The following DOCK8 variants were observed in gnomAD, a reference collection of about 807,000 sequenced individuals.
DOCK8 encodes dedicator of cytokinesis 8.
In DOCK8, 141 loss-of-function variants were observed where a neutral mutation model predicts 245.6. The ratio of observed to expected loss-of-function variants is 0.57; its 90% CI spans 0.50 to 0.66. The LOEUF (loss-of-function observed/expected upper bound fraction) is 0.66. Among genes scored for constraint, DOCK8 ranks in the 30% least tolerant of loss-of-function variants. The probability of loss-of-function intolerance (pLI) is 0.00; values close to 1 mark genes in which losing one functional copy is unlikely to be tolerated. For synonymous variants in DOCK8, 1,168 were observed against 970.2 expected, an observed-to-expected ratio of 1.20 and a Z score of -3.79; for missense variants, 2,965 against 2,603.4, an observed-to-expected ratio of 1.14 and a Z score of -3.02.
Position 388,754 on chromosome 9 carries a change from C to T in DOCK8, c.2875-1717C>T, listed in dbSNP as rs181103779. Among the ~76,000 whole-genome samples the T allele has an allele frequency of 2.0e-5, 3 of 151,734 alleles. No individual in the cohort carries two copies. The East Asian group carries it at 5.8e-4, about 29-fold the overall frequency. On this transcript the variant is annotated intron_variant, in intron 23 of 47. Coordinates refer to ENST00000432829, the MANE Select transcript of DOCK8 (RefSeq NM_203447.4). ...ATTTTTAGTATAGATGGGGTTTCAC[C>T]ATGTTGACCAGGCTCGTCTCAAACT... is the stretch of plus-strand genomic sequence containing the variant.
At position 364,191 on chromosome 9, in the gene DOCK8, A is replaced by G. The variant is rs570563029; in HGVS notation, c.1680-3827A>G. Among the ~76,000 whole-genome samples the G allele has an allele frequency of 5.9e-5, 9 of 152,336 alleles. No homozygotes were observed. In the South Asian group the frequency reaches 1.9e-3, roughly 32 times the overall value. On this transcript the variant is annotated intron_variant, in intron 14 of 47. Coordinates refer to ENST00000432829, the MANE Select transcript of DOCK8 (RefSeq NM_203447.4). ...ACGCTTATTTTTAGAGGAGACCAGT[A>G]TATATTATGGCATATTCAGAATATG...
At chr9:401,895 C>T (rs1169513647) in intron 26 of DOCK8, among the ~76,000 whole-genome samples, 1 of 152,180 alleles carries the variant, frequency 6.6e-6, no homozygotes, top group Non-Finnish European at 1.5e-5. Context: ...CATCAGAAGT[C>T]CCCAAGCATC....
At chr9:433,782 T>G (rs1033479181) in intron 37 of DOCK8, 93 bp from the exon 38 acceptor site, 1 of 1,062,278 alleles carries the variant, frequency 9.4e-7, no homozygotes. Context: ...GATCCAACCC[T>G]TCCCATGGCT....
At chr9:426,471 C>T (rs181243870) in intron 33 of DOCK8, among the ~76,000 whole-genome samples, 2 of 152,344 alleles carry the variant, frequency 1.3e-5, no homozygotes, top group Admixed American at 1.3e-4. Context: ...TCCAGTCTCA[C>T]TCTCTCTCGC....
chr9:233,373 G>T (rs1297201544), intron 1 of DOCK8, among the ~76,000 whole-genome samples: 1 of 152,212 alleles, frequency 6.6e-6, no homozygotes, highest in Non-Finnish European at 1.5e-5. Flanking sequence ...TGTATATTCT[G>T]TTGATTTGGG....
At chr9:245,114 C>T (rs779927844) in intron 1 of DOCK8, among the ~76,000 whole-genome samples, 2 of 152,188 alleles carry the variant, frequency 1.3e-5, no homozygotes, top group Non-Finnish European at 2.9e-5. Flanking sequence ...AGGTCTCACA[C>T]TCACTCCACA....
intron 15 of DOCK8, 21 bp downstream of exon 15, chr9:368,156 T>G (rs1237551545): frequency 1.9e-6 from 3 of 1,602,122 alleles, no homozygotes; most frequent in Non-Finnish European, 2.6e-6. Flanking sequence ...AAACGAACAT[T>G]TGCCTCAAAT....
At chr9:334,913 C>G (rs983424059) in intron 11 of DOCK8, among the ~76,000 whole-genome samples, 1 of 152,026 alleles carries the variant, frequency 6.6e-6, no homozygotes, top group African/African-American at 2.4e-5. Context: ...AAAACCCTGT[C>G]TCTACTAAAA....
intron 4 of DOCK8, among the ~76,000 whole-genome samples, chr9:295,944 A>G (rs2049242832): frequency 6.6e-6 from 1 of 152,226 alleles, no homozygotes; most frequent in Non-Finnish European, 1.5e-5. Flanking sequence ...TTCCTTTTAA[A>G]CCTAACAGAG....
chr9:441,812 T>G (rs550980525), intron 41 of DOCK8, 63 bp from the exon 42 acceptor site: 2 of 1,605,250 alleles, frequency 1.2e-6, no homozygotes, highest in South Asian at 1.1e-5. Context: ...CCCTGCCCTT[T>G]GCAACTCAGT....
At chr9:333,332 T>G (rs1409379714) in intron 10 of DOCK8, among the ~76,000 whole-genome samples, 1 of 152,246 alleles carries the variant, frequency 6.6e-6, no homozygotes, top group Non-Finnish European at 1.5e-5. Flanking sequence ...CCGGGCGTGG[T>G]GGCTCACACC....
chr9:350,304 G>T (rs1013010923), intron 14 of DOCK8, among the ~76,000 whole-genome samples: 2 of 152,264 alleles, frequency 1.3e-5, no homozygotes, highest in Middle Eastern at 3.4e-3. Flanking sequence ...TAGAGACAAG[G>T]TCTCACTCTG....
In DOCK8 at chr9:312,124, T is replaced by C. The variant is rs2039045; in HGVS notation, c.699T>C (p.Asn233=). 0.19 allele frequency: 303,519 copies of C among 1,614,032 alleles called. 30,138 individuals carry two copies. The highest frequency in any genetic ancestry group is 0.25 in the African/African-American group (18,404 of 74,992). Residue 233 remains asparagine (N), a synonymous_variant, in exon 6 of 48, where the codon AAT becomes AAC. Transcript: ENST00000432829. ...AGAACGAGGAGGCCCGGAGGACCAA[T>C]AGGCAGGCCGAGCTCTTTGCCCTTT... is the stretch of plus-strand genomic sequence containing the variant. ...EKQNEEARRT[N]RQAELFALYP...
At chr9:388,268 T>A (rs2054037364) in intron 23 of DOCK8, among the ~76,000 whole-genome samples, 1 of 152,170 alleles carries the variant, frequency 6.6e-6, no homozygotes, top group Non-Finnish European at 1.5e-5. Context: ...GTGAGACAGC[T>A]TCACTTCAGA....
intron 28 of DOCK8, among the ~76,000 whole-genome samples, chr9:409,019 T>G (rs1564027942): frequency 6.6e-6 from 1 of 152,168 alleles, no homozygotes; most frequent in Non-Finnish European, 1.5e-5. Flanking sequence ...GGAAAGTCAT[T>G]AGATACACTG....
At chr9:375,131 A>T (rs1349100431) in intron 18 of DOCK8, among the ~76,000 whole-genome samples, 2 of 152,314 alleles carry the variant, frequency 1.3e-5, no homozygotes, top group Non-Finnish European at 2.9e-5. Context: ...TAATACTTCA[A>T]ACAGAACGTG....
rs562708400 is a variant in DOCK8 at position 354,503 on chromosome 9, C to A, written c.1680-13515C>A. 9.2e-5 allele frequency among the ~76,000 whole-genome samples: 14 copies of A among 152,334 alleles called. No homozygotes were observed. The South Asian group carries it at 2.9e-3, about 32-fold the overall frequency. On this transcript the variant is annotated intron_variant, in intron 14 of 47. Transcript: ENST00000432829. Reference sequence around the variant, plus strand: ...CTATTGCTGTATAACAAAACCTTTGCAGCTCAAAACAACAGTCATTATCTC... The same window carrying A: ...CTATTGCTGTATAACAAAACCTTTGAAGCTCAAAACAACAGTCATTATCTC...
intron 29 of DOCK8, among the ~76,000 whole-genome samples, chr9:417,230 C>T (rs1217096873): frequency 1.3e-5 from 2 of 152,082 alleles, no homozygotes; most frequent in African/African-American, 4.8e-5. Flanking sequence ...TTGCAGTGAG[C>T]GGAGATGGCG....
At chr9:422,022 C>G in intron 32 of DOCK8, 26 bp from the exon 33 acceptor site, 2 of 1,585,044 alleles carry the variant, frequency 1.3e-6, no homozygotes, top group East Asian at 2.2e-5. Flanking sequence ...TAATCAAATT[C>G]CTATCATGCA....
Sources: gnomAD v4.1 joint callset for allele counts (sites outside exome capture counted in the v4.1 genomes callset) on GRCh38, gnomAD v4.1.1 for gene constraint, MANE v1.5 for transcripts, NCBI Gene and HGNC (gene_info 2026-07-23, HGNC 2026-07-21) for gene names.